Variants in MBOAT2 observed in about 807,000 individuals in gnomAD.
MBOAT2 encodes the protein membrane-bound glycerophospholipid O-acyltransferase 2.
In MBOAT2, 28 loss-of-function variants were observed where a neutral mutation model predicts 63.4. The ratio of observed to expected loss-of-function variants is 0.44; its 90% CI spans 0.33 to 0.61. MBOAT2 has a LOEUF of 0.61. Ranked by LOEUF, MBOAT2 falls within the 20% of genes least tolerant of loss-of-function variation. The probability of loss-of-function intolerance (pLI) is 0.03; values close to 1 mark genes in which losing one functional copy is unlikely to be tolerated. For synonymous variants in MBOAT2, 211 were observed against 215.6 expected (o/e 0.98, Z 0.19); for missense variants, 470 against 605.8 (o/e 0.78, Z 2.35).
chr2:8,981,502 A>G (rs985150521), intron 1 of MBOAT2, among the ~76,000 whole-genome samples: 6 of 152,192 alleles, frequency 3.9e-5, no homozygotes, highest in African/African-American at 1.4e-4. Flanking sequence ...GGCCCCAGGA[A>G]CAAAAGTCTT....
At chr2:8,940,656 G>A (rs1419090091) in intron 3 of MBOAT2, among the ~76,000 whole-genome samples, 1 of 152,016 alleles carries the variant, frequency 6.6e-6, no homozygotes, top group African/African-American at 2.4e-5. Context: ...AGGCATTAAA[G>A]GGAATTACAA....
chr2:8,963,221 G>C (rs535814864), intron 1 of MBOAT2, among the ~76,000 whole-genome samples: 1 of 149,870 alleles, frequency 6.7e-6, no homozygotes, highest in Non-Finnish European at 1.5e-5. Flanking sequence ...CTAGGCAACA[G>C]AGTGAGAGCC....
intron 4 of MBOAT2, among the ~76,000 whole-genome samples, chr2:8,895,349 T>TG (rs1476891644): frequency 6.6e-6 from 1 of 152,166 alleles, no homozygotes; most frequent in East Asian, 1.9e-4. Context: ...TTGGTCCGTT[T>TG]TACAGAGTGC....
In MBOAT2 at chr2:8,874,038, G is replaced by C. The variant is rs370882648; in HGVS notation, c.691-738C>G. 5.3e-5 allele frequency among the ~76,000 whole-genome samples: 8 copies of C among 152,226 alleles called. 1 individual carries two copies. The highest frequency in any genetic ancestry group is 3.3e-4 in the Admixed American group (5 of 15,280). Reference sequence around the variant, plus strand: ...AAAGAAACAAGCGAAGAGAAGGCTAGATCCAGATGAAGTATGCAACAAAAT... The same window carrying C: ...AAAGAAACAAGCGAAGAGAAGGCTACATCCAGATGAAGTATGCAACAAAAT... On this transcript the variant is annotated intron_variant, in intron 7 of 12. Transcript: ENST00000305997.
chr2:8,891,619 A>G (rs901629803), intron 4 of MBOAT2, among the ~76,000 whole-genome samples: 2 of 152,232 alleles, frequency 1.3e-5, no homozygotes, highest in Admixed American at 1.3e-4. Context: ...TAACTATTAA[A>G]TATCTGTTGA....
At chr2:8,927,865 ATC>A (rs1667042852) in intron 3 of MBOAT2, among the ~76,000 whole-genome samples, 1 of 152,170 alleles carries the variant, frequency 6.6e-6, no homozygotes, top group Non-Finnish European at 1.5e-5. Context: ...ACAAAGAAAT[ATC>A]TCTGAGTAAT....
chr2:8,940,858 A>C (rs1668002744), intron 3 of MBOAT2, among the ~76,000 whole-genome samples: 3 of 152,224 alleles, frequency 2.0e-5, no homozygotes, highest in African/African-American at 7.2e-5. Flanking sequence ...CTTTCATTTT[A>C]AAGACTTAAA....
At chr2:8,974,996 T>G (rs1042435866) in intron 1 of MBOAT2, among the ~76,000 whole-genome samples, 1 of 152,094 alleles carries the variant, frequency 6.6e-6, no homozygotes, top group African/African-American at 2.4e-5. Flanking sequence ...ATGGAGAATA[T>G]CTAATCCAAA....
At chr2:8,866,001 C>T (rs947763638) in intron 9 of MBOAT2, among the ~76,000 whole-genome samples, 2 of 152,242 alleles carry the variant, frequency 1.3e-5, no homozygotes, top group Admixed American at 6.5e-5. Context: ...CGCGCCACCG[C>T]ACTCCAGCCT....
intron 11 of MBOAT2, 124 bp from the exon 12 acceptor site, chr2:8,860,888 A>T: frequency 1.3e-6 from 1 of 744,402 alleles, no homozygotes; most frequent in South Asian, 1.9e-5. Flanking sequence ...CTAAGTTGCT[A>T]GTGGGAATGT....
At chr2:8,902,762 A>C (rs970691651) in intron 4 of MBOAT2, among the ~76,000 whole-genome samples, 2 of 152,212 alleles carry the variant, frequency 1.3e-5, no homozygotes, top group Non-Finnish European at 2.9e-5. Context: ...GTGAGTGTTA[A>C]CAGCTCATAA....
chr2:8,873,152 G>C lies in MBOAT2; in HGVS notation c.839C>G (p.Ser280Cys). 2.5e-6 allele frequency: 4 copies of C among 1,614,114 alleles called. No homozygotes were observed. Among genetic ancestry groups the C allele is most frequent in the Non-Finnish European group, 3.4e-6 (4 of 1,180,008 alleles). ...GTATTTGGGTCTGGCAGCCAAAAGA[G>C]AGATATACAGATAGATAATCTTTGT... ...WPTKIIYLYISLLAARPKYYF... is the reference protein window; with the variant it reads ...WPTKIIYLYICLLAARPKYYF... The change falls in exon 8 of 13, where the codon TCT becomes TGT. Residue 280 changes from serine (S) to cysteine (C), a missense_variant. Physicochemically the swap from Ser to Cys is moderately radical, Grantham distance 112 (BLOSUM62 -1). Coordinates refer to ENST00000305997, the MANE Select transcript of MBOAT2 (RefSeq NM_138799.4).
At position 8,978,826 on chromosome 2, in the gene MBOAT2, A is replaced by G. The variant is rs1478085888; in HGVS notation, c.76-20184T>C. ...CACTTGTATCCCAGAACTTACAGTA[A>G]AATAAAAATTAAAAAAGCACCCATC... is the stretch of plus-strand genomic sequence containing the variant. On this transcript the variant is annotated intron_variant, in intron 1 of 12. Coordinates refer to ENST00000305997, the MANE Select transcript of MBOAT2 (RefSeq NM_138799.4). Among the ~76,000 whole-genome samples the G allele has an allele frequency of 3.3e-5, 5 of 150,848 alleles. No homozygotes were observed. In the East Asian group the frequency reaches 5.8e-4, roughly 17 times the overall value.
intron 9 of MBOAT2, among the ~76,000 whole-genome samples, chr2:8,866,136 T>A (rs964283087): frequency 6.6e-6 from 1 of 152,176 alleles, no homozygotes; most frequent in African/African-American, 2.4e-5. Context: ...TGATGACCAT[T>A]TTTTCCTTCA....
chr2:8,954,987 C>T (rs1238280704), intron 2 of MBOAT2, among the ~76,000 whole-genome samples: 1 of 152,138 alleles, frequency 6.6e-6, no homozygotes, highest in African/African-American at 2.4e-5. Context: ...GTGTTGCTGC[C>T]CAGGAGAAAG....
intron 3 of MBOAT2, among the ~76,000 whole-genome samples, chr2:8,922,578 T>C (rs866584113): frequency 1.4e-4 from 21 of 152,344 alleles, no homozygotes; most frequent in African/African-American, 4.8e-4. Flanking sequence ...TGTTGCTTTT[T>C]AGCCTCACTC....
chr2:8,892,680 C>T (rs1275717024), intron 4 of MBOAT2, among the ~76,000 whole-genome samples: 1 of 152,034 alleles, frequency 6.6e-6, no homozygotes, highest in Non-Finnish European at 1.5e-5. Flanking sequence ...GGGTAAGGGG[C>T]CTAAGGAATA....
chr2:8,862,490 G>C lies in MBOAT2; in HGVS notation c.1185+100C>G. 1 of 1,450,290 alleles carries C rather than the reference G, an allele frequency of 6.9e-7. No homozygotes were observed. Among genetic ancestry groups the C allele is most frequent in the African/African-American group, 1.4e-5 (1 of 70,744 alleles). The allele number at this position is 1,450,290 out of a possible 1,614,324, so 89.8% of individuals were successfully genotyped here. On this transcript the variant is annotated intron_variant, in intron 11 of 12. Coordinates refer to ENST00000305997, the MANE Select transcript of MBOAT2 (RefSeq NM_138799.4). This position sits in a 1 kb window ranked among gnomAD's most constrained non-coding sequence, Gnocchi z 4.3. Reference sequence around the variant, plus strand: ...TAGTGGAAAGGACAATACTGACCACGACCAAGGAAAGAGGGTCTACCTTGT... The same window carrying C: ...TAGTGGAAAGGACAATACTGACCACCACCAAGGAAAGAGGGTCTACCTTGT...
intron 4 of MBOAT2, among the ~76,000 whole-genome samples, chr2:8,898,423 C>A (rs1231016150): frequency 1.3e-5 from 2 of 152,248 alleles, no homozygotes; most frequent in Non-Finnish European, 2.9e-5. Flanking sequence ...AGCCTGTATT[C>A]ATTCCTTGCT....
Sources: allele counts gnomAD v4.1 joint callset (sites outside exome capture counted in the v4.1 genomes callset), GRCh38; gene constraint gnomAD v4.1.1; non-coding constraint Gnocchi (gnomAD v3.1); transcripts MANE v1.5; gene names NCBI Gene and HGNC (gene_info 2026-07-23, HGNC 2026-07-21).